NPM2: variants seen among roughly 807,000 people sequenced by gnomAD.
NPM2 encodes the protein nucleophosmin/nucleoplasmin 2, also known as nucleoplasmin-2.
Under a neutral mutation model 32.0 loss-of-function variants are expected in NPM2, and 25 were observed. The observed-to-expected ratio is 0.78, with a 90% CI of 0.57 to 1.09. The LOEUF (loss-of-function observed/expected upper bound fraction) is 1.09. NPM2 is among the 50% of genes least tolerant of loss of function. The probability of loss-of-function intolerance (pLI) is 0.00; values close to 1 mark genes in which losing one functional copy is unlikely to be tolerated. For missense variants in NPM2, 282 were observed against 259.9 expected, an observed-to-expected ratio of 1.08 and a Z score of -0.58; for synonymous variants, 111 against 94.2, an observed-to-expected ratio of 1.18 and a Z score of -1.04.
rs558950500 is a variant in NPM2, at chr8:22,025,947, T to A, written c.270+175T>A. Among the ~76,000 whole-genome samples the A allele has an allele frequency of 2.0e-5, 3 of 152,250 alleles. No individual in the cohort carries two copies. The South Asian group carries it at 6.2e-4, about 32-fold the overall frequency. On this transcript the variant is annotated intron_variant, in intron 5 of 9. Coordinates refer to ENST00000518119, the MANE Select transcript of NPM2 (RefSeq NM_001286680.2). ...CAGCTCACCCCTTCCTAGAGCTGTG[T>A]GACCTTGGGCCAGTTAAGCTGTCTG... is the stretch of plus-strand genomic sequence containing the variant.
chr8:22,026,276 C>T (rs990957108), intron 5 of NPM2, among the ~76,000 whole-genome samples: 10 of 152,078 alleles, frequency 6.6e-5, no homozygotes, highest in African/African-American at 2.2e-4. Flanking sequence ...CAAAAATTGT[C>T]TTCCAGGAAA....
At position 22,034,151 on chromosome 8, in the gene NPM2, G is replaced by A. The variant is rs1800536186; in HGVS notation, c.407G>A (p.Gly136Glu). ...LTWEEEEEEEGEEEEEEEEDD... is the reference protein window; with the variant it reads ...LTWEEEEEEEEEEEEEEEEDD... ...TGGGAGGAGGAGGAGGAAGAAGAAGGGGAGGAGGAGGAAGAGGAAGAGGAA... is the reference window on the plus strand; with the variant it reads ...TGGGAGGAGGAGGAGGAAGAAGAAGAGGAGGAGGAGGAAGAGGAAGAGGAA... Residue 136 changes from glycine (G) to glutamate (E), a missense_variant, in exon 7 of 10, where the codon GGG (glycine) becomes GAG (glutamate). Gly to Glu is a moderately conservative substitution (Grantham distance 98, BLOSUM62 -2). Coordinates refer to ENST00000518119, the MANE Select transcript of NPM2 (RefSeq NM_001286680.2). The A allele has an allele frequency of 6.2e-7, 1 of 1,611,232 alleles. No individual in the cohort carries two copies.
chr8:22,024,829 C>G lies in NPM2; in HGVS notation c.-35C>G, dbSNP rs1212537660. ...TGACTGGCCCCGCGCGGAGCAGCGA[C>G]AGTAAGGCTGTGTGGGGGGAGCTGG... On this transcript the variant is annotated splice_region_variant and 5_prime_UTR_variant, in exon 2 of 10. Transcript: ENST00000518119. 1 of 175,394 alleles carries G rather than the reference C, an allele frequency of 5.7e-6. No individual in the cohort carries two copies. 10.9% of individuals were successfully genotyped at this position (175,394 alleles called of 1,614,324 possible).
intron 5 of NPM2, among the ~76,000 whole-genome samples, chr8:22,029,746 A>G (rs1585514165): frequency 6.6e-6 from 1 of 152,212 alleles, no homozygotes; most frequent in Non-Finnish European, 1.5e-5. Flanking sequence ...TTGGCTGTGT[A>G]TATAATTCTA....
chr8:22,031,196 C>T (rs1228959670), intron 5 of NPM2, among the ~76,000 whole-genome samples: 1 of 152,132 alleles, frequency 6.6e-6, no homozygotes, highest in Non-Finnish European at 1.5e-5. Flanking sequence ...CTGGAGACTT[C>T]TTTTATTTCC....
chr8:22,031,239 T>C (rs914890663), intron 5 of NPM2, among the ~76,000 whole-genome samples: 32 of 152,302 alleles, frequency 2.1e-4, no homozygotes, highest in African/African-American at 7.5e-4. Flanking sequence ...CCTTTAATGG[T>C]GGCTAGGGTT....
rs142720468 is a variant in NPM2, at chr8:22,025,670, A to C, written c.168A>C (p.Lys56Asn). 261 of 1,614,196 alleles carry C rather than the reference A, an allele frequency of 1.6e-4. No individual in the cohort carries two copies. In the African/African-American group the frequency reaches 3.1e-3, roughly 19 times the overall value. ...AGATTTGCTTGGGGGAGAAAGCCAA[A>C]GAGGAGATGCATCGCGTGGAGATCC... ...LHTICLGEKAKEEMHRVEILP... is the reference protein window; with the variant it reads ...LHTICLGEKANEEMHRVEILP... The change falls in exon 5 of 10, where the codon AAA becomes AAC. Residue 56 changes from lysine to asparagine, a missense_variant. Transcript: ENST00000518119.
chr8:22,026,082 A>G (rs1167703702), intron 5 of NPM2, among the ~76,000 whole-genome samples: 1 of 152,214 alleles, frequency 6.6e-6, no homozygotes, highest in Non-Finnish European at 1.5e-5. Flanking sequence ...GCTAGCCAGC[A>G]TTACCCCTGA....
At chr8:22,028,049 A>G (rs1220231954) in intron 5 of NPM2, among the ~76,000 whole-genome samples, 1 of 152,120 alleles carries the variant, frequency 6.6e-6, no homozygotes, top group Non-Finnish European at 1.5e-5. Context: ...GCTCCATTTT[A>G]ATTGCACAGC....
intron 2 of NPM2, 156 bp downstream of exon 2, chr8:22,024,986 T>A: frequency 2.1e-6 from 1 of 486,614 alleles, no homozygotes; most frequent in Non-Finnish European, 3.6e-6. Flanking sequence ...CAGCTCCCTC[T>A]CCCGTGAGTC....
chr8:22,030,440 A>G (rs1303595756), intron 5 of NPM2, among the ~76,000 whole-genome samples: 1 of 151,844 alleles, frequency 6.6e-6, no homozygotes. Context: ...GAGTCTCACT[A>G]TGTTATCCAG....
intron 9 of NPM2, 52 bp from the exon 10 acceptor site, chr8:22,036,586 G>T: frequency 1.3e-6 from 2 of 1,560,140 alleles, no homozygotes; most frequent in Non-Finnish European, 1.7e-6. Context: ...GGAGGGGGCT[G>T]CCTGGTATGG....
chr8:22,035,317 A>G (rs969838518), intron 8 of NPM2, among the ~76,000 whole-genome samples: 10 of 152,196 alleles, frequency 6.6e-5, no homozygotes, highest in African/African-American at 2.4e-4. Context: ...TCTGCCACCC[A>G]GGCTGGAGTG....
At chr8:22,028,732 G>T (rs1585512532) in intron 5 of NPM2, among the ~76,000 whole-genome samples, 1 of 152,226 alleles carries the variant, frequency 6.6e-6, no homozygotes, top group African/African-American at 2.4e-5. Context: ...AGTGTATTAT[G>T]GCCTGCTTCG....
intron 5 of NPM2, 153 bp from the exon 6 acceptor site, chr8:22,032,977 G>A: frequency 1.6e-6 from 1 of 625,176 alleles, no homozygotes; most frequent in Admixed American, 2.5e-5. Flanking sequence ...GGGATTACCA[G>A]GTTCAAATTC....
chr8:22,035,197 G>C (rs1369872325), intron 8 of NPM2, among the ~76,000 whole-genome samples: 1 of 152,230 alleles, frequency 6.6e-6, no homozygotes, highest in Non-Finnish European at 1.5e-5. Context: ...AATTCACTAA[G>C]CTACATCCCT....
At chr8:22,035,973 C>A (rs527305498) in intron 8 of NPM2, among the ~76,000 whole-genome samples, 2 of 149,128 alleles carry the variant, frequency 1.3e-5, no homozygotes, top group Admixed American at 1.3e-4. Context: ...AAAATAATAA[C>A]CCTGAAAGAA....
chr8:22,033,722 G>A (rs1430735208), intron 6 of NPM2, among the ~76,000 whole-genome samples: 1 of 152,110 alleles, frequency 6.6e-6, no homozygotes, highest in Non-Finnish European at 1.5e-5. Flanking sequence ...TTAGGATAAG[G>A]TTTCAATTCT....
intron 8 of NPM2, among the ~76,000 whole-genome samples, chr8:22,035,231 T>A (rs1463353396): frequency 1.3e-5 from 2 of 152,220 alleles, no homozygotes; most frequent in African/African-American, 4.8e-5. Flanking sequence ...TATTACATAA[T>A]GCTTATGAAG....
Sources: gnomAD v4.1 joint callset for allele counts (sites outside exome capture counted in the v4.1 genomes callset) on GRCh38, gnomAD v4.1.1 for gene constraint, MANE v1.5 for transcripts, NCBI Gene and HGNC (gene_info 2026-07-23, HGNC 2026-07-21) for gene names.